Variants in ARNT2 observed in about 807,000 individuals in gnomAD.
ARNT2 encodes the protein aryl hydrocarbon receptor nuclear translocator 2, also known as ARNT protein 2.
In ARNT2, 36 loss-of-function variants were observed where a neutral mutation model predicts 91.7. That is an observed-to-expected ratio of 0.39 (90% CI 0.30 to 0.52). The LOEUF (loss-of-function observed/expected upper bound fraction) is 0.52. ARNT2 is among the 20% of genes least tolerant of loss of function. ARNT2 has a pLI of 0.72. For synonymous variants in ARNT2, 365 were observed against 347.1 expected, an observed-to-expected ratio of 1.05 and a Z score of -0.57; for missense variants, 775 against 939.3, an observed-to-expected ratio of 0.83 and a Z score of 2.29.
intron 8 of ARNT2, among the ~76,000 whole-genome samples, chr15:80,526,342 G>T (rs28499552): frequency 6.6e-6 from 1 of 152,214 alleles, no homozygotes; most frequent in Non-Finnish European, 1.5e-5. Flanking sequence ...GGTGCGTTCA[G>T]AGTTCAAAGG....
intron 1 of ARNT2, among the ~76,000 whole-genome samples, chr15:80,415,655 T>G (rs1052042298): frequency 6.6e-6 from 1 of 152,096 alleles, no homozygotes; most frequent in African/African-American, 2.4e-5. Context: ...CCACGTAACA[T>G]TGGATGTGGA....
At position 80,430,954 on chromosome 15, in the gene ARNT2, G is replaced by C. The variant is rs140079059; in HGVS notation, c.32-19926G>C. Among the ~76,000 whole-genome samples, 674 of 152,100 alleles carry C rather than the reference G, an allele frequency of 4.4e-3. 5 individuals are homozygous for C. The highest frequency in any genetic ancestry group is 0.015 in the African/African-American group (639 of 41,468). On this transcript the variant is annotated intron_variant, in intron 1 of 18. Coordinates refer to ENST00000303329, the MANE Select transcript of ARNT2 (RefSeq NM_014862.4). ...CTGGGTGGTGCATGTACGTGGTGAT[G>C]AACCATGCACTCTCCTTCCCCAGAT...
At chr15:80,551,657 A>G (rs1338176254) in intron 9 of ARNT2, among the ~76,000 whole-genome samples, 2 of 152,036 alleles carry the variant, frequency 1.3e-5, no homozygotes, top group African/African-American at 4.8e-5. Flanking sequence ...TCTTATTCCC[A>G]CACAGCACCA....
chr15:80,531,537 T>C (rs1897740286), intron 8 of ARNT2, among the ~76,000 whole-genome samples: 1 of 152,240 alleles, frequency 6.6e-6, no homozygotes, highest in Non-Finnish European at 1.5e-5. Flanking sequence ...CAGGAAGCTC[T>C]CCCTTCCGAC....
At chr15:80,508,949 C>T (rs553003395) in intron 6 of ARNT2, among the ~76,000 whole-genome samples, 1 of 152,264 alleles carries the variant, frequency 6.6e-6, no homozygotes, top group South Asian at 2.1e-4. Flanking sequence ...AACCCTGTGC[C>T]CCCTGAGGGA....
At chr15:80,588,224 ACAGT>A (rs1182956709) in intron 17 of ARNT2, among the ~76,000 whole-genome samples, 2 of 152,122 alleles carry the variant, frequency 1.3e-5, no homozygotes, top group African/African-American at 4.8e-5. Context: ...ACCCCTCAGC[ACAGT>A]CAGTAATCAA....
intron 1 of ARNT2, among the ~76,000 whole-genome samples, chr15:80,450,279 C>T (rs1240327334): frequency 1.3e-5 from 2 of 152,224 alleles, no homozygotes; most frequent in Non-Finnish European, 2.9e-5. Context: ...GAAGCCTCAG[C>T]CTGGCCTGCT....
chr15:80,475,167 C>G lies in ARNT2; in HGVS notation c.566C>G (p.Pro189Arg). 2 of 1,614,170 alleles carry G rather than the reference C, an allele frequency of 1.2e-6. No homozygotes were observed. The highest frequency in any genetic ancestry group is 1.7e-6 in the Non-Finnish European group (2 of 1,180,034). The change falls in exon 5 of 19, where the codon CCT (proline) becomes CGT (arginine). Residue 189 changes from proline (P) to arginine (R), a missense_variant. This residue lies in a region of ARNT2 where 285 missense variants were observed against 327.2 expected (regional missense o/e 0.87). Coordinates refer to ENST00000303329, the MANE Select transcript of ARNT2 (RefSeq NM_014862.4). ...FGSTLYEQVH[P>R]DDVEKLREQL... ...AGCACACTGTATGAACAGGTGCATCCTGATGACGTGGAGAAGCTGAGAGAG... is the reference window on the plus strand; with the variant it reads ...AGCACACTGTATGAACAGGTGCATCGTGATGACGTGGAGAAGCTGAGAGAG...
intron 8 of ARNT2, among the ~76,000 whole-genome samples, chr15:80,546,571 G>A (rs1209204264): frequency 1.3e-5 from 2 of 152,192 alleles, no homozygotes; most frequent in African/African-American, 4.8e-5. Context: ...GTGAGACTGA[G>A]GTAGACATTT....
At chr15:80,428,253 A>G (rs973858807) in intron 1 of ARNT2, among the ~76,000 whole-genome samples, 1 of 152,260 alleles carries the variant, frequency 6.6e-6, no homozygotes, top group African/African-American at 2.4e-5. Flanking sequence ...CTCTAGGGAA[A>G]TTATTGAACA....
intron 1 of ARNT2, among the ~76,000 whole-genome samples, chr15:80,405,940 C>G (rs891163367): frequency 6.6e-6 from 1 of 151,902 alleles, no homozygotes; most frequent in Admixed American, 6.6e-5. Flanking sequence ...TGGTATTGAA[C>G]AAGGAAATCG....
At chr15:80,489,122 T>G (rs1566985614) in intron 5 of ARNT2, among the ~76,000 whole-genome samples, 3 of 152,226 alleles carry the variant, frequency 2.0e-5, no homozygotes, top group Non-Finnish European at 4.4e-5. Flanking sequence ...ATAGTCATAT[T>G]TTGTAATACT....
At chr15:80,579,433 A>G (rs1359483270) in intron 15 of ARNT2, among the ~76,000 whole-genome samples, 1 of 152,230 alleles carries the variant, frequency 6.6e-6, no homozygotes, top group Non-Finnish European at 1.5e-5. Flanking sequence ...AAAAGGGATC[A>G]GATAGCATAG....
chr15:80,482,534 C>A (rs914803347), intron 5 of ARNT2, among the ~76,000 whole-genome samples: 1 of 152,144 alleles, frequency 6.6e-6, no homozygotes, highest in Non-Finnish European at 1.5e-5. Flanking sequence ...AAGTAGAGCT[C>A]GTAGTCAATG....
chr15:80,571,209 G>T (rs78600401), intron 12 of ARNT2, among the ~76,000 whole-genome samples: 16 of 152,134 alleles, frequency 1.1e-4, no homozygotes, highest in Non-Finnish European at 1.8e-4. Flanking sequence ...GCCCCAAAAC[G>T]TAGTGAGCTC....
rs1011105450 is a variant in ARNT2, at chr15:80,591,917, C to T, written c.2055+213C>T. Among the ~76,000 whole-genome samples, 11 of 152,160 alleles carry T rather than the reference C, an allele frequency of 7.2e-5. No homozygotes were observed. Among genetic ancestry groups the T allele is most frequent in the Admixed American group, 1.3e-4 (2 of 15,280 alleles). ...AAGGAGAAGGGGCTGATGTAGCCTT[C>T]GAGCTAAGCCACACAATAGAGGAGG... is the stretch of plus-strand genomic sequence containing the variant. On this transcript the variant is annotated intron_variant, in intron 18 of 18. Transcript: ENST00000303329. This position sits in a 1 kb window ranked among gnomAD's most constrained non-coding sequence, Gnocchi z 5.1.
intron 5 of ARNT2, 52 bp from the exon 6 acceptor site, chr15:80,508,104 A>G (rs1171939326): frequency 3.2e-6 from 5 of 1,578,366 alleles, no homozygotes; most frequent in East Asian, 2.2e-5. Context: ...TCCCTCCTCC[A>G]TCTCCCAACC....
chr15:80,523,673 T>G (rs1005909749), intron 8 of ARNT2, among the ~76,000 whole-genome samples: 1 of 152,166 alleles, frequency 6.6e-6, no homozygotes, highest in African/African-American at 2.4e-5. Context: ...GGTAAATGCC[T>G]TGATCATGGA....
At chr15:80,502,897 G>A (rs1897220417) in intron 5 of ARNT2, among the ~76,000 whole-genome samples, 1 of 152,206 alleles carries the variant, frequency 6.6e-6, no homozygotes, top group Non-Finnish European at 1.5e-5. Flanking sequence ...CACTGACTAA[G>A]GAAAACAGAA....
Sources: allele counts gnomAD v4.1 joint callset (sites outside exome capture counted in the v4.1 genomes callset), GRCh38; gene constraint gnomAD v4.1.1; regional missense constraint gnomAD v4.1.1; non-coding constraint Gnocchi (gnomAD v3.1); transcripts MANE v1.5; gene names NCBI Gene and HGNC (gene_info 2026-07-23, HGNC 2026-07-21).